AFF1: variants seen among roughly 807,000 people sequenced by gnomAD.
The protein encoded by AFF1 is ALF transcription elongation factor 1.
In AFF1, 48 loss-of-function variants were observed where a neutral mutation model predicts 121.7. The ratio of observed to expected loss-of-function variants is 0.39; its 90% confidence interval spans 0.31 to 0.50. The LOEUF is 0.50. AFF1 is among the 20% of genes least tolerant of loss of function. The pLI is 0.76. For synonymous variants in AFF1, 613 were observed against 563.0 expected (o/e 1.09, Z -1.26); for missense variants, 1,523 against 1,511.7 (o/e 1.01, Z -0.12).
rs115490839 is a variant in AFF1 at position 87,088,088 on chromosome 4, T to C, written c.1105-1896T>C. Among the ~76,000 whole-genome samples, 990 of 152,366 alleles carry C rather than the reference T, an allele frequency of 6.5e-3. 14 individuals are homozygous for C. The highest frequency in any genetic ancestry group is 0.023 in the African/African-American group (950 of 41,580). On this transcript the variant is annotated intron_variant, in intron 5 of 20. Transcript: ENST00000395146. ...ACAATACTTTGAAAATAAGTGGTTC[T>C]AGTTTACCTCTTAGTGAGCATTGAG... is the stretch of plus-strand genomic sequence containing the variant.
At chr4:87,077,080 G>A in intron 4 of AFF1, among the ~76,000 whole-genome samples, 1 of 152,168 alleles carries the variant, frequency 6.6e-6, no homozygotes, top group African/African-American at 2.4e-5. Flanking sequence ...AAACAACCCT[G>A]TAAGATTATG....
intron 2 of AFF1, among the ~76,000 whole-genome samples, chr4:86,971,008 G>A (rs1408232493): frequency 6.6e-6 from 1 of 152,162 alleles, no homozygotes; most frequent in Non-Finnish European, 1.5e-5. Context: ...CCATTTGAGG[G>A]TTCCATCAGA....
rs545814565 is a variant in AFF1, at chr4:86,975,470, C to T, written c.38+26899C>T. 5.3e-5 allele frequency among the ~76,000 whole-genome samples: 8 copies of T among 152,228 alleles called. No homozygotes were observed. In the South Asian group the frequency reaches 6.2e-4, roughly 12 times the overall value. On this transcript the variant is annotated intron_variant, in intron 2 of 20. Transcript: ENST00000395146. Reference sequence around the variant, plus strand: ...TTCACAACATTGCCCAGGCTGGTCTCGAACTCCTGGTCTCAAGTGATCCTC... The same window carrying T: ...TTCACAACATTGCCCAGGCTGGTCTTGAACTCCTGGTCTCAAGTGATCCTC...
At chr4:87,099,597 C>T (rs1266275678) in intron 8 of AFF1, among the ~76,000 whole-genome samples, 6 of 152,176 alleles carry the variant, frequency 3.9e-5, no homozygotes, top group Middle Eastern at 3.4e-3. Context: ...TTAGTAGAGA[C>T]GGGGTTTCGC....
intron 4 of AFF1, among the ~76,000 whole-genome samples, chr4:87,068,818 C>T (rs558974645): frequency 5.9e-5 from 9 of 152,194 alleles, no homozygotes; most frequent in South Asian, 2.1e-4. Context: ...CCATTGCAGC[C>T]GCCAGCACAC....
intron 17 of AFF1, among the ~76,000 whole-genome samples, chr4:87,131,463 T>C (rs1193094215): frequency 6.6e-6 from 1 of 152,220 alleles, no homozygotes; most frequent in Non-Finnish European, 1.5e-5. Context: ...TTGAGGGAGA[T>C]TGGTTTTTCC....
At chr4:86,999,531 GC>G (rs1443985050) in intron 2 of AFF1, among the ~76,000 whole-genome samples, 1 of 152,136 alleles carries the variant, frequency 6.6e-6, no homozygotes, top group Non-Finnish European at 1.5e-5. Context: ...CCTCCCAAGT[GC>G]CTTTTCATGC....
At chr4:86,960,863 C>G (rs1320976821) in intron 2 of AFF1, among the ~76,000 whole-genome samples, 1 of 152,094 alleles carries the variant, frequency 6.6e-6, no homozygotes, top group Non-Finnish European at 1.5e-5. Flanking sequence ...CCTTTGTAAC[C>G]TGAGTGGAAC....
At chr4:87,044,307 C>T (rs964121696) in intron 2 of AFF1, among the ~76,000 whole-genome samples, 3 of 152,004 alleles carry the variant, frequency 2.0e-5, no homozygotes, top group Admixed American at 6.6e-5. Flanking sequence ...TGTAAAAATA[C>T]GTAAGTGTAG....
rs754229542 is a variant in AFF1 at position 86,949,537 on chromosome 4, ATTTTTTT to A, written c.38+979_38+985del. On this transcript the variant is annotated intron_variant, in intron 2 of 20. Transcript: ENST00000395146. ...CTATTTATTAATTATTATTATTATT[ATTTTTTT>A]TTTTTTTTTTTTCCCGACTGGGGCA... 825 of 248,342 alleles carry A rather than the reference ATTTTTTT, an allele frequency of 3.3e-3. 77 individuals carry two copies. The highest frequency in any genetic ancestry group is 6.7e-3 in the Admixed American group (105 of 15,776). The allele number at this position is 248,342 out of a possible 1,614,324, so 15.4% of individuals were successfully genotyped here.
At chr4:86,979,854 A>C (rs1401743675) in intron 2 of AFF1, among the ~76,000 whole-genome samples, 2 of 152,250 alleles carry the variant, frequency 1.3e-5, no homozygotes, top group African/African-American at 4.8e-5. Flanking sequence ...ATGTAGCAAA[A>C]TAACATTTGC....
At chr4:86,989,852 A>T (rs1724561710) in intron 2 of AFF1, among the ~76,000 whole-genome samples, 1 of 152,220 alleles carries the variant, frequency 6.6e-6, no homozygotes, top group Admixed American at 6.5e-5. Context: ...AGACATAAAA[A>T]AGGATCAGTT....
chr4:87,072,595 C>T (rs1722199142), intron 4 of AFF1, among the ~76,000 whole-genome samples: 2 of 151,762 alleles, frequency 1.3e-5, no homozygotes, highest in South Asian at 2.1e-4. Context: ...GATCTCAGCT[C>T]ACGGCAGCCT....
intron 2 of AFF1, among the ~76,000 whole-genome samples, chr4:87,034,804 T>TCAGA (rs10650513): frequency 0.93 from 141,920 of 152,096 alleles, 66,599 homozygotes; most frequent in Non-Finnish European, 0.98. Context: ...GTTTTAGGTA[T>TCAGA]CAATGAGTCA....
intron 2 of AFF1, among the ~76,000 whole-genome samples, chr4:86,971,417 G>T (rs377032421): frequency 3.9e-5 from 6 of 152,204 alleles, no homozygotes; most frequent in African/African-American, 7.2e-5. Context: ...GAGTCAGTAT[G>T]AGTTAGTGTC....
chr4:87,128,763 T>C (rs893866705), intron 16 of AFF1, among the ~76,000 whole-genome samples: 1 of 152,206 alleles, frequency 6.6e-6, no homozygotes, highest in African/African-American at 2.4e-5. Context: ...TTCTGTAAGA[T>C]AGTCAAAGAC....
At chr4:87,081,637 A>G (rs186986979) in intron 4 of AFF1, among the ~76,000 whole-genome samples, 1 of 152,294 alleles carries the variant, frequency 6.6e-6, no homozygotes, top group East Asian at 1.9e-4. Flanking sequence ...GCCATGGGAA[A>G]CAGTGCTTTG....
chr4:87,097,285 C>G (rs752159516), intron 8 of AFF1, among the ~76,000 whole-genome samples: 3 of 152,166 alleles, frequency 2.0e-5, no homozygotes, highest in Admixed American at 6.5e-5. Context: ...GTGACTGTGT[C>G]TCTCGCCTGT....
At chr4:87,109,008 A>C (rs2149753378) in intron 11 of AFF1, among the ~76,000 whole-genome samples, 1 of 152,372 alleles carries the variant, frequency 6.6e-6, no homozygotes. Context: ...GAGCACAAGA[A>C]ATTGTTAGTA....
Sources: gnomAD v4.1 joint callset for allele counts (sites outside exome capture counted in the v4.1 genomes callset) on GRCh38, gnomAD v4.1.1 for gene constraint, MANE v1.5 for transcripts, NCBI Gene and HGNC (gene_info 2026-07-23, HGNC 2026-07-21) for gene names.